Variants in C4orf50 observed in about 807,000 individuals in gnomAD.
The protein encoded by C4orf50 is chromosome 4 open reading frame 50.
In C4orf50, 80 loss-of-function variants were observed where a neutral mutation model predicts 77.2. The observed-to-expected ratio is 1.04, with a 90% confidence interval of 0.87 to 1.25. The LOEUF (loss-of-function observed/expected upper bound fraction) is 1.25, where lower values mean the gene tolerates loss of function less well. C4orf50 is among the 50% of genes most tolerant of loss of function. The pLI is 0.00. For synonymous variants in C4orf50, 532 were observed against 465.3 expected (o/e 1.14, Z -1.84); for missense variants, 1,257 against 1,152.9 (o/e 1.09, Z -1.31).
chr4:5,906,445 G>A lies in C4orf50; in HGVS notation c.*2475-8257C>T, dbSNP rs116166782. ...CAGGCTGGGAGGGGCTCAGCACAGCGTGAGTAGCGGAGAGAGTGGGTCTAA... is the reference window on the plus strand; with the variant it reads ...CAGGCTGGGAGGGGCTCAGCACAGCATGAGTAGCGGAGAGAGTGGGTCTAA... On this transcript the variant is annotated intron_variant, in intron 7 of 7. Transcript: ENST00000324058. Among the ~76,000 whole-genome samples the A allele has an allele frequency of 9.0e-3, 1,364 of 152,284 alleles. 17 individuals carry two copies. The highest frequency in any genetic ancestry group is 0.03 in the African/African-American group (1,258 of 41,544).
At position 6,017,259 on chromosome 4, in the gene C4orf50, C is replaced by A. The variant is rs1412081448; in HGVS notation, c.287+886G>T. 1.3e-5 allele frequency among the ~76,000 whole-genome samples: 2 copies of A among 152,238 alleles called. No individual in the cohort carries two copies. The highest frequency in any genetic ancestry group is 1.3e-4 in the Admixed American group (2 of 15,290). On this transcript the variant is annotated intron_variant, in intron 23 of 33. Transcript: ENST00000531445. This position sits in a 1 kb window ranked among gnomAD's most constrained non-coding sequence, Gnocchi z 4.7. ...TAGCAACTGCCGGAAGCCACTTCTG[C>A]CCCTGGGGCTGGACAGCCACACAGG... is the stretch of plus-strand genomic sequence containing the variant.
intron 25 of C4orf50, among the ~76,000 whole-genome samples, chr4:6,002,919 T>C (rs924095305): frequency 5.3e-5 from 8 of 152,214 alleles, no homozygotes; most frequent in Non-Finnish European, 7.3e-5. Flanking sequence ...GGAGGACACC[T>C]ACCTGGCCAT....
rs1367764807 is a variant in C4orf50, at chr4:6,017,800, C to T, written c.287+345G>A. On this transcript the variant is annotated intron_variant, in intron 23 of 33. Coordinates refer to ENST00000531445, the Ensembl canonical transcript of C4orf50. This position sits in a 1 kb window ranked among gnomAD's most constrained non-coding sequence, Gnocchi z 4.7. ...GGTTTCTCAGTTCCTTCTACACTTC[C>T]CTGTCACTTTGAACATAGGGCCCTT... 1.3e-5 allele frequency among the ~76,000 whole-genome samples: 2 copies of T among 152,172 alleles called. No individual in the cohort carries two copies. Among genetic ancestry groups the T allele is most frequent in the African/African-American group, 4.8e-5 (2 of 41,440 alleles).
chr4:5,988,193 T>C lies in C4orf50; in HGVS notation c.3699+154A>G, dbSNP rs974696304. Among the ~76,000 whole-genome samples, 4 of 152,204 alleles carry C rather than the reference T, an allele frequency of 2.6e-5. No homozygotes were observed. The East Asian group carries it at 7.7e-4, about 29-fold the overall frequency. On this transcript the variant is annotated intron_variant, in intron 28 of 33. Coordinates refer to ENST00000531445, the Ensembl canonical transcript of C4orf50. ...TATGTGACTGCAGTGACTGCATTTC[T>C]CTGTTTTCTTTGTACCAACCTCCTC...
exon 34 of C4orf50, chr4:5,959,529 C>A: frequency 6.2e-7 from 1 of 1,614,144 alleles, no homozygotes; most frequent in Non-Finnish European, 8.5e-7. Flanking sequence ...GGGCATTCCG[C>A]CTTTTTCTTG....
At position 5,992,641 on chromosome 4, in the gene C4orf50, C is replaced by T. The variant is rs978284850; in HGVS notation, c.1221+162G>A. The stretch of plus-strand genomic sequence containing the variant: ...ATCCAGGTCTCAGGATGTTTCATTT[C>T]CTCTCCTCAAATCTCTCTCTCAACT... On this transcript the variant is annotated intron_variant, in intron 27 of 33. Transcript: ENST00000531445. The surrounding 1 kb of genome is among the most constrained non-coding windows in gnomAD (Gnocchi z 5.0). 6.6e-6 allele frequency among the ~76,000 whole-genome samples: 1 copy of T among 150,574 alleles called. No individual in the cohort carries two copies. Among genetic ancestry groups the T allele is most frequent in the East Asian group, 2.0e-4 (1 of 4,944 alleles).
rs13121038 is a variant in C4orf50, at chr4:5,915,921, A to G, written c.*2475-17733T>C. 9.1e-3 allele frequency among the ~76,000 whole-genome samples: 1,393 copies of G among 152,274 alleles called. 10 individuals carry two copies. The highest frequency in any genetic ancestry group is 0.017 in the Middle Eastern group (5 of 294). The stretch of plus-strand genomic sequence containing the variant: ...GCTACACTTACCTGCTGGGAAGTAC[A>G]CTGTACCTAGAACCATAGATTTCAC... On this transcript the variant is annotated intron_variant, in intron 7 of 7. Transcript: ENST00000324058.
chr4:5,989,758 G>T, exon 28 of C4orf50: 1 of 1,531,276 alleles, frequency 6.5e-7, no homozygotes, highest in African/African-American at 1.4e-5. Flanking sequence ...TGTCTCTCCT[G>T]CAAAGAAAAG....
intron 28 of C4orf50, among the ~76,000 whole-genome samples, chr4:5,983,647 A>G (rs78033508): frequency 0.018 from 2,800 of 152,306 alleles, 91 homozygotes; most frequent in African/African-American, 0.064. Context: ...ACAATCCTTA[A>G]GAAAAAGCCT....
chr4:5,987,852 C>A (rs4324503), intron 28 of C4orf50, among the ~76,000 whole-genome samples: 83,832 of 151,976 alleles, frequency 0.55, 24,198 homozygotes, highest in East Asian at 0.92. Context: ...GTGACTCAAG[C>A]GAAGTCTGCA....
intron 32 of C4orf50, among the ~76,000 whole-genome samples, chr4:5,966,362 C>T (rs1159348191): frequency 6.6e-6 from 1 of 152,032 alleles, no homozygotes; most frequent in Non-Finnish European, 1.5e-5. Context: ...GCAATCTCAG[C>T]TACTCGGGAG....
intron 7 of C4orf50, among the ~76,000 whole-genome samples, chr4:5,906,837 G>T (rs1029397161): frequency 1.3e-5 from 2 of 152,132 alleles, no homozygotes; most frequent in African/African-American, 4.8e-5. Context: ...TTTGAGGAAG[G>T]AATAAGCAAG....
At chr4:5,982,611 G>C (rs1273041525) in intron 28 of C4orf50, among the ~76,000 whole-genome samples, 1 of 152,180 alleles carries the variant, frequency 6.6e-6, no homozygotes, top group East Asian at 1.9e-4. Context: ...CTGGGTTGGG[G>C]GGACAGTACC....
Position 5,916,536 on chromosome 4 carries a change from A to G in C4orf50, c.*2475-18348T>C, listed in dbSNP as rs1362844100. On this transcript the variant is annotated intron_variant, in intron 7 of 7. Coordinates refer to the C4orf50 transcript ENST00000324058. The surrounding 1 kb of genome is among the most constrained non-coding windows in gnomAD (Gnocchi z 4.4). ...CCTTCAGGGCAGGGTGACTCACCCA[A>G]GGGCAAAGCTATTACTCTGCAAGTT... 2.0e-5 allele frequency among the ~76,000 whole-genome samples: 3 copies of G among 152,202 alleles called. No homozygotes were observed. Among genetic ancestry groups the G allele is most frequent in the Admixed American group, 1.3e-4 (2 of 15,284 alleles).
intron 7 of C4orf50, among the ~76,000 whole-genome samples, chr4:5,942,597 G>A (rs1718314246): frequency 1.3e-5 from 2 of 152,160 alleles, no homozygotes; most frequent in South Asian, 4.1e-4. Context: ...TCTATGCCAG[G>A]CCCTGTTCTA....
At chr4:6,003,884 A>G (rs200439574) in intron 25 of C4orf50, among the ~76,000 whole-genome samples, 417 of 22,500 alleles carry the variant, frequency 0.019, no homozygotes, top group Middle Eastern at 0.071. Context: ...GGTGATGGTG[A>G]TTATGGTGAT....
intron 7 of C4orf50, among the ~76,000 whole-genome samples, chr4:5,944,624 C>A (rs140306076): frequency 0.012 from 1,753 of 152,288 alleles, 20 homozygotes; most frequent in Middle Eastern, 0.031. Flanking sequence ...CAGCACCCCC[C>A]ACGCCTGGCC....
At chr4:5,907,230 A>G (rs186999555) in intron 7 of C4orf50, among the ~76,000 whole-genome samples, 4 of 152,366 alleles carry the variant, frequency 2.6e-5, no homozygotes, top group Non-Finnish European at 4.4e-5. Flanking sequence ...ACATGATAAC[A>G]TATAGATACT....
chr4:5,989,197 T>A, exon 28 of C4orf50: 4 of 1,536,074 alleles, frequency 2.6e-6, no homozygotes, highest in Non-Finnish European at 3.5e-6. Context: ...CCTCTCTTGG[T>A]CTCCGTGAAG....
Sources: gnomAD v4.1 joint callset for allele counts (sites outside exome capture counted in the v4.1 genomes callset) on GRCh38, gnomAD v4.1.1 for gene constraint, Gnocchi (gnomAD v3.1) non-coding constraint, MANE v1.5 for transcripts, NCBI Gene and HGNC (gene_info 2026-07-23, HGNC 2026-07-21) for gene names.